Variants in NELL1 observed in about 807,000 individuals in gnomAD.
The protein encoded by NELL1 is protein kinase C-binding protein NELL1.
Under a neutral mutation model 107.4 loss-of-function variants are expected in NELL1, and 76 were observed. The observed-to-expected ratio is 0.71, with a 90% CI of 0.59 to 0.86. NELL1 has a LOEUF of 0.86. NELL1 is among the 40% of genes least tolerant of loss of function. The pLI, the probability that NELL1 is intolerant of heterozygous loss-of-function variation, is 0.00. For synonymous variants in NELL1, 353 were observed against 341.2 expected, an observed-to-expected ratio of 1.03 and a Z score of -0.38; for missense variants, 1,024 against 1,005.5, an observed-to-expected ratio of 1.02 and a Z score of -0.25.
chr11:20,761,263 T>C (rs1056247733), intron 2 of NELL1, among the ~76,000 whole-genome samples: 2 of 152,170 alleles, frequency 1.3e-5, no homozygotes, highest in East Asian at 1.9e-4. Context: ...TCAGGAACTA[T>C]AGCCTCAATA....
chr11:20,968,949 G>A (rs1851440166), intron 12 of NELL1, among the ~76,000 whole-genome samples: 1 of 152,150 alleles, frequency 6.6e-6, no homozygotes, highest in Admixed American at 6.6e-5. Context: ...TCGTCTAGCT[G>A]TGTTCCCAGG....
intron 12 of NELL1, among the ~76,000 whole-genome samples, chr11:21,085,486 A>T (rs1854368422): frequency 6.6e-6 from 1 of 152,148 alleles, no homozygotes. Flanking sequence ...ATCTTAAAAA[A>T]TTAGCCAGTT....
intron 14 of NELL1, among the ~76,000 whole-genome samples, chr11:21,319,336 C>T (rs1036901311): frequency 1.1e-4 from 17 of 151,190 alleles, no homozygotes; most frequent in East Asian, 3.9e-4. Context: ...CCACTATGCA[C>T]GGCTAATTTT....
intron 15 of NELL1, among the ~76,000 whole-genome samples, chr11:21,418,774 T>TTA (rs1852583098): frequency 4.6e-5 from 7 of 152,146 alleles, no homozygotes; most frequent in Non-Finnish European, 8.8e-5. Context: ...ATTGCATAGT[T>TTA]CAGCTACCTC....
chr11:21,308,302 T>C (rs1412585438), intron 14 of NELL1, among the ~76,000 whole-genome samples: 1 of 152,030 alleles, frequency 6.6e-6, no homozygotes, highest in Non-Finnish European at 1.5e-5. Flanking sequence ...GATTTGAAAA[T>C]CTGGTTTCTG....
intron 12 of NELL1, among the ~76,000 whole-genome samples, chr11:21,112,746 C>T (rs1855137042): frequency 6.6e-6 from 1 of 152,016 alleles, no homozygotes; most frequent in South Asian, 2.1e-4. Flanking sequence ...AAGTCATAGA[C>T]TATTAATCAG....
chr11:21,209,969 A>G (rs1056206696), intron 13 of NELL1, among the ~76,000 whole-genome samples: 10 of 152,116 alleles, frequency 6.6e-5, no homozygotes, highest in African/African-American at 2.2e-4. Flanking sequence ...CATTTTATAT[A>G]AATAGGATTA....
intron 2 of NELL1, among the ~76,000 whole-genome samples, chr11:20,714,581 G>T (rs140664875): frequency 1.6e-3 from 244 of 151,794 alleles, no homozygotes; most frequent in Admixed American, 3.2e-3. Context: ...CAGTGCAGTG[G>T]CATGTTGCCA....
At chr11:21,472,540 T>C (rs1238418501) in intron 15 of NELL1, among the ~76,000 whole-genome samples, 3 of 152,044 alleles carry the variant, frequency 2.0e-5, no homozygotes, top group Admixed American at 6.6e-5. Flanking sequence ...ATAAAACCTT[T>C]TTCTACTTGT....
chr11:21,153,321 C>T (rs1176682475), intron 13 of NELL1, among the ~76,000 whole-genome samples: 1 of 151,974 alleles, frequency 6.6e-6, no homozygotes, highest in Non-Finnish European at 1.5e-5. Context: ...TATGTGCGTG[C>T]ATGTGTGAGT....
In NELL1 at chr11:21,534,536, C is replaced by G. The variant is rs761672321; in HGVS notation, c.1786+22C>G. 13 of 1,612,862 alleles carry G rather than the reference C, an allele frequency of 8.1e-6. No individual in the cohort carries two copies. The Admixed American group carries it at 2.2e-4, about 27-fold the overall frequency. On this transcript the variant is annotated intron_variant, in intron 16 of 19. Coordinates refer to ENST00000357134, the MANE Select transcript of NELL1 (RefSeq NM_006157.5). Reference sequence around the variant, plus strand: ...ATTGGTAAGCAGCTTTCAGGCATGCCCTCCAACTGCTTGGACCTTTGCAGG... The same window carrying G: ...ATTGGTAAGCAGCTTTCAGGCATGCGCTCCAACTGCTTGGACCTTTGCAGG...
At chr11:20,731,922 T>G (rs1349634196) in intron 2 of NELL1, among the ~76,000 whole-genome samples, 1 of 152,180 alleles carries the variant, frequency 6.6e-6, no homozygotes, top group East Asian at 1.9e-4. Flanking sequence ...CTCAGCTGTC[T>G]TAGAAGACTC....
intron 15 of NELL1, among the ~76,000 whole-genome samples, chr11:21,428,561 T>A (rs1049950143): frequency 7.9e-5 from 12 of 152,188 alleles, no homozygotes; most frequent in Admixed American, 1.3e-4. Context: ...TCAGATTAAT[T>A]TGAAATTATT....
At chr11:21,424,237 AG>A (rs879770156) in intron 15 of NELL1, among the ~76,000 whole-genome samples, 1 of 152,314 alleles carries the variant, frequency 6.6e-6, no homozygotes, top group East Asian at 1.9e-4. Flanking sequence ...ACTAAGAAAA[AG>A]ATAGAGTAAT....
chr11:20,703,336 C>T (rs1055060696), intron 2 of NELL1, among the ~76,000 whole-genome samples: 4 of 152,030 alleles, frequency 2.6e-5, no homozygotes, highest in Admixed American at 6.6e-5. Context: ...TCTGTGGGAT[C>T]GGTGGTGATA....
chr11:21,498,222 T>C (rs1170365820), intron 15 of NELL1, among the ~76,000 whole-genome samples: 1 of 151,264 alleles, frequency 6.6e-6, no homozygotes, highest in Non-Finnish European at 1.5e-5. Context: ...TTCTTGACTC[T>C]ATTCCTTCTA....
chr11:21,486,844 T>C (rs1005783532), intron 15 of NELL1, among the ~76,000 whole-genome samples: 1 of 151,986 alleles, frequency 6.6e-6, no homozygotes, highest in Non-Finnish European at 1.5e-5. Context: ...TTGGAAACTT[T>C]GATAATAGTC....
intron 14 of NELL1, among the ~76,000 whole-genome samples, chr11:21,229,968 T>C (rs909043683): frequency 4.6e-5 from 7 of 152,168 alleles, no homozygotes; most frequent in Admixed American, 3.9e-4. Context: ...CAGCATCTGG[T>C]CCCTGGCTCC....
chr11:21,104,523 C>G (rs939590576), intron 12 of NELL1, among the ~76,000 whole-genome samples: 2 of 152,162 alleles, frequency 1.3e-5, no homozygotes, highest in Non-Finnish European at 2.9e-5. Context: ...GTGGAAAATA[C>G]TTGAAAAATG....
Sources: allele counts gnomAD v4.1 joint callset (sites outside exome capture counted in the v4.1 genomes callset), GRCh38; gene constraint gnomAD v4.1.1; transcripts MANE v1.5; gene names NCBI Gene and HGNC (gene_info 2026-07-23, HGNC 2026-07-21).